ANGPT1: variants seen among roughly 807,000 people sequenced by gnomAD.
The protein encoded by ANGPT1 is angiopoietin 1.
A neutral mutation model predicts 62.2 loss-of-function variants in ANGPT1; 17 were observed. The observed-to-expected ratio is 0.27, with a 90% CI of 0.19 to 0.41. The LOEUF is 0.41. Among genes scored for constraint, ANGPT1 ranks in the 10% least tolerant of loss-of-function variants. The pLI, the probability that ANGPT1 is intolerant of heterozygous loss-of-function variation, is 1.00. For missense variants in ANGPT1, 478 were observed against 594.9 expected, an observed-to-expected ratio of 0.80 and a Z score of 2.04; for synonymous variants, 199 against 198.9, an observed-to-expected ratio of 1.00 and a Z score of 0.00.
chr8:107,347,080 C>T lies in ANGPT1; in HGVS notation c.315G>A (p.Val105=). 1.2e-6 allele frequency: 2 copies of T among 1,613,078 alleles called. No individual in the cohort carries two copies. The highest frequency in any genetic ancestry group is 1.7e-6 in the Non-Finnish European group (2 of 1,179,426). ...QWLQKLENYI[V]ENMKSEMAQI... ...GGGCCATCTCCGACTTCATGTTTTCCACAATGTAATTCTCAAGCTGCAAGA... is the reference window on the plus strand; with the variant it reads ...GGGCCATCTCCGACTTCATGTTTTCTACAATGTAATTCTCAAGCTGCAAGA... Residue 105 remains valine, a synonymous_variant, in exon 2 of 9, where the codon GTG becomes GTA. Transcript: ENST00000517746.
At chr8:107,392,154 A>C (rs1024085949) in intron 1 of ANGPT1, among the ~76,000 whole-genome samples, 1 of 152,164 alleles carries the variant, frequency 6.6e-6, no homozygotes, top group Non-Finnish European at 1.5e-5. Flanking sequence ...ATATTTGTGT[A>C]TTAATTTGTT....
At chr8:107,425,054 T>C (rs1346724114) in intron 1 of ANGPT1, among the ~76,000 whole-genome samples, 1 of 152,148 alleles carries the variant, frequency 6.6e-6, no homozygotes, top group African/African-American at 2.4e-5. Flanking sequence ...TTTGTATTTT[T>C]AGTAGAGACA....
At chr8:107,425,993 A>G (rs1019718835) in intron 1 of ANGPT1, among the ~76,000 whole-genome samples, 1 of 152,212 alleles carries the variant, frequency 6.6e-6, no homozygotes, top group South Asian at 2.1e-4. Context: ...TGAAAACAAA[A>G]TTACAAATGC....
At chr8:107,435,954 G>A (rs1309534528) in intron 1 of ANGPT1, among the ~76,000 whole-genome samples, 1 of 152,230 alleles carries the variant, frequency 6.6e-6, no homozygotes, top group Admixed American at 6.5e-5. Flanking sequence ...CCAGGCTAGA[G>A]TGCAGTGGCC....
chr8:107,478,585 A>G (rs958725729), intron 1 of ANGPT1, among the ~76,000 whole-genome samples: 17 of 152,146 alleles, frequency 1.1e-4, no homozygotes, highest in Admixed American at 1.1e-3. Flanking sequence ...TTTGATTATA[A>G]AAGTGTCAAT....
chr8:107,309,582 C>T (rs1188528748), intron 4 of ANGPT1, among the ~76,000 whole-genome samples: 1 of 152,120 alleles, frequency 6.6e-6, no homozygotes, highest in African/African-American at 2.4e-5. Flanking sequence ...GATTTCCAGG[C>T]AGTCCAAGTT....
intron 4 of ANGPT1, among the ~76,000 whole-genome samples, chr8:107,304,839 T>C (rs1486007359): frequency 6.6e-6 from 1 of 151,918 alleles, no homozygotes; most frequent in African/African-American, 2.4e-5. Context: ...ATCATACTAA[T>C]AATTACATCT....
intron 7 of ANGPT1, among the ~76,000 whole-genome samples, chr8:107,274,655 A>C (rs995702492): frequency 6.6e-6 from 1 of 152,112 alleles, no homozygotes; most frequent in Admixed American, 6.6e-5. Context: ...GGCAACTGTC[A>C]TTTTATACCA....
At chr8:107,265,830 AT>A (rs1813601017) in intron 7 of ANGPT1, among the ~76,000 whole-genome samples, 1 of 152,168 alleles carries the variant, frequency 6.6e-6, no homozygotes, top group Non-Finnish European at 1.5e-5. Flanking sequence ...TTGGAGATAT[AT>A]TTTAACTTGT....
intron 1 of ANGPT1, among the ~76,000 whole-genome samples, chr8:107,468,169 C>T (rs2130491531): frequency 1.3e-5 from 2 of 152,112 alleles, no homozygotes; most frequent in East Asian, 3.9e-4. Flanking sequence ...CATGATCAAG[C>T]CAAGGTGAAC....
rs869079818 is a variant in ANGPT1, at chr8:107,423,827, C to CTTTT, written c.297+73431_297+73434dup. 6.6e-3 allele frequency among the ~76,000 whole-genome samples: 489 copies of CTTTT among 74,512 alleles called. 1 individual carries two copies. The highest frequency in any genetic ancestry group is 8.2e-3 in the Non-Finnish European group (352 of 42,882). The allele number at this position is 74,512 out of a possible 152,430, so 48.9% of individuals were successfully genotyped here. A position where few individuals can be genotyped will look rare whatever the true frequency, so the allele number is the denominator to read the frequency against. ...TTCAGGTACCTTTTCCTTTTCCTTTCTTTTTTTTTTTTTTTTTTTTTTTTT... is the reference window on the plus strand; with the variant it reads ...TTCAGGTACCTTTTCCTTTTCCTTTCTTTTTTTTTTTTTTTTTTTTTTTTTTTTT... On this transcript the variant is annotated intron_variant, in intron 1 of 8. Transcript: ENST00000517746.
chr8:107,367,516 C>T (rs1337489760), intron 1 of ANGPT1, among the ~76,000 whole-genome samples: 1 of 151,986 alleles, frequency 6.6e-6, no homozygotes, highest in African/African-American at 2.4e-5. Flanking sequence ...ATTGACTGTT[C>T]CTTTCACTAA....
chr8:107,453,871 AG>A (rs988155028), intron 1 of ANGPT1, among the ~76,000 whole-genome samples: 3 of 151,772 alleles, frequency 2.0e-5, no homozygotes, highest in African/African-American at 7.2e-5. Context: ...AAAAAAAAAA[AG>A]ATCTTGAAAC....
chr8:107,477,565 GGA>G (rs1267815846), intron 1 of ANGPT1, among the ~76,000 whole-genome samples: 2 of 151,988 alleles, frequency 1.3e-5, no homozygotes, highest in African/African-American at 4.8e-5. Flanking sequence ...ATTTGCACTG[GGA>G]TAGATATTAA....
At chr8:107,421,776 T>C (rs1810902136) in intron 1 of ANGPT1, among the ~76,000 whole-genome samples, 1 of 152,216 alleles carries the variant, frequency 6.6e-6, no homozygotes, top group Non-Finnish European at 1.5e-5. Flanking sequence ...TTAGTTTCAG[T>C]AAAGCAAGAG....
chr8:107,455,880 G>T (rs1185387893), intron 1 of ANGPT1, among the ~76,000 whole-genome samples: 1 of 151,942 alleles, frequency 6.6e-6, no homozygotes, highest in African/African-American at 2.4e-5. Context: ...TTTCAAGCAT[G>T]GCAACAGCCT....
intron 1 of ANGPT1, among the ~76,000 whole-genome samples, chr8:107,486,511 C>T (rs940240431): frequency 1.3e-5 from 2 of 152,148 alleles, no homozygotes; most frequent in African/African-American, 4.8e-5. Context: ...CAATATTTAA[C>T]TAACACTGTA....
chr8:107,281,109 G>T (rs901645642), intron 7 of ANGPT1, among the ~76,000 whole-genome samples: 23 of 151,966 alleles, frequency 1.5e-4, no homozygotes, highest in African/African-American at 4.6e-4. Flanking sequence ...TTCCTTAGAG[G>T]ATAAAAGAAA....
intron 1 of ANGPT1, among the ~76,000 whole-genome samples, chr8:107,496,601 G>A (rs1813104667): frequency 6.6e-6 from 1 of 152,092 alleles, no homozygotes; most frequent in African/African-American, 2.4e-5. Flanking sequence ...CCCTCATCGT[G>A]AGCGAGCAAC....
Sources: allele counts gnomAD v4.1 joint callset (sites outside exome capture counted in the v4.1 genomes callset), GRCh38; gene constraint gnomAD v4.1.1; transcripts MANE v1.5; gene names NCBI Gene and HGNC (gene_info 2026-07-23, HGNC 2026-07-21).